CTBP2: variants seen among roughly 807,000 people sequenced by gnomAD.
The protein encoded by CTBP2 is C-terminal binding protein 2.
In CTBP2, 30 loss-of-function variants were observed where a neutral mutation model predicts 80.3. The observed-to-expected ratio is 0.37, with a 90% confidence interval of 0.28 to 0.51. The LOEUF is 0.51. CTBP2 is among the 20% of genes least tolerant of loss of function. The probability of loss-of-function intolerance (pLI) is 0.93; values close to 1 mark genes in which losing one functional copy is unlikely to be tolerated. For missense variants in CTBP2, 1,212 were observed against 1,375.3 expected (o/e 0.88, Z 1.88); for synonymous variants, 594 against 587.4 (o/e 1.01, Z -0.16).
At chr10:125,131,994 CTCAGTCTTAGG>C (rs1856265195) in intron 1 of CTBP2, among the ~76,000 whole-genome samples, 1 of 152,200 alleles carries the variant, frequency 6.6e-6, no homozygotes, top group Non-Finnish European at 1.5e-5. Flanking sequence ...CACCTTCTGT[CTCAGTCTTAGG>C]TCAGGCTTAT....
intron 1 of CTBP2, among the ~76,000 whole-genome samples, chr10:125,007,539 G>A (rs191512701): frequency 1.1e-4 from 16 of 152,360 alleles, no homozygotes; most frequent in Non-Finnish European, 1.8e-4. Flanking sequence ...AGGGAGGATG[G>A]CGGAAGGATC....
chr10:125,118,698 AC>A (rs1853773892), intron 1 of CTBP2, among the ~76,000 whole-genome samples: 1 of 109,512 alleles, frequency 9.1e-6, no homozygotes, highest in East Asian at 3.2e-4. Context: ...CTTGAAAGAG[AC>A]CAGTGCAGTG....
chr10:125,003,927 C>A (rs1954893057), intron 1 of CTBP2, among the ~76,000 whole-genome samples: 1 of 152,230 alleles, frequency 6.6e-6, no homozygotes, highest in Admixed American at 6.5e-5. Context: ...GCGGCCTGGG[C>A]AGGCTCCTCC....
At chr10:125,144,086 T>C (rs1254093918) in intron 1 of CTBP2, among the ~76,000 whole-genome samples, 3 of 152,212 alleles carry the variant, frequency 2.0e-5, no homozygotes, top group African/African-American at 2.4e-5. Flanking sequence ...ACAAACCTCA[T>C]ATCAAGGGGC....
At chr10:125,076,822 A>G (rs1305355153) in intron 2 of CTBP2, among the ~76,000 whole-genome samples, 3 of 152,036 alleles carry the variant, frequency 2.0e-5, no homozygotes, top group South Asian at 2.1e-4. Flanking sequence ...GTATTTCCCT[A>G]TTTCATCCCT....
chr10:125,064,291 C>T (rs946551369), intron 2 of CTBP2, among the ~76,000 whole-genome samples: 14 of 152,160 alleles, frequency 9.2e-5, no homozygotes, highest in Admixed American at 1.3e-4. Flanking sequence ...ATGGATTGAT[C>T]TTTTTCTAAT....
At chr10:125,003,810 C>T (rs1328639361) in intron 1 of CTBP2, among the ~76,000 whole-genome samples, 1 of 152,120 alleles carries the variant, frequency 6.6e-6, no homozygotes, top group Non-Finnish European at 1.5e-5. Context: ...GTCCCTGCAC[C>T]GCGTGCCTCC....
At chr10:125,061,669 T>G (rs892259607) in intron 2 of CTBP2, among the ~76,000 whole-genome samples, 3 of 152,136 alleles carry the variant, frequency 2.0e-5, no homozygotes, top group African/African-American at 4.8e-5. Context: ...AACTGAGAGC[T>G]GGTACCACAG....
At chr10:125,157,670 A>T (rs1475439890) in intron 1 of CTBP2, among the ~76,000 whole-genome samples, 4 of 152,170 alleles carry the variant, frequency 2.6e-5, no homozygotes, top group African/African-American at 9.7e-5. Context: ...CCCAACATCA[A>T]CACTTACACT....
At chr10:125,045,693 G>A (rs548421750) in intron 2 of CTBP2, among the ~76,000 whole-genome samples, 28 of 152,250 alleles carry the variant, frequency 1.8e-4, no homozygotes, top group South Asian at 8.3e-4. Flanking sequence ...GTTTCACCAC[G>A]TTGGCCAGGC....
intron 2 of CTBP2, among the ~76,000 whole-genome samples, chr10:125,084,590 T>G (rs758349234): frequency 3.9e-5 from 6 of 152,044 alleles, no homozygotes; most frequent in Non-Finnish European, 5.9e-5. Flanking sequence ...TCACACCACC[T>G]CAGTCTCAGG....
rs1952093909 is a variant in CTBP2 at position 124,987,793 on chromosome 10, A to AGAGCTCAGAGG, written c.*1714_*1724dup. ...TTAATTGGGAAGGGAAGTATAAGGA[A>AGAGCTCAGAGG]GAGCTCAGAGGGAGTTTCATACCTG... On this transcript the variant is annotated 3_prime_UTR_variant, in exon 9 of 9. Coordinates refer to ENST00000309035, the MANE Select transcript of CTBP2 (RefSeq NM_022802.3). 1 of 152,206 alleles carries AGAGCTCAGAGG rather than the reference A, an allele frequency of 6.6e-6. No homozygotes were observed. Among genetic ancestry groups the AGAGCTCAGAGG allele is most frequent in the Non-Finnish European group, 1.5e-5 (1 of 68,018 alleles). The allele number at this position is 152,206 out of a possible 1,614,324, so 9.4% of individuals were successfully genotyped here. A position where few individuals can be genotyped will look rare whatever the true frequency, so the allele number is the denominator to read the frequency against.
At chr10:125,064,726 G>A (rs1053301341) in intron 2 of CTBP2, among the ~76,000 whole-genome samples, 1 of 152,200 alleles carries the variant, frequency 6.6e-6, no homozygotes, top group Admixed American at 6.5e-5. Flanking sequence ...ACCCATTCCC[G>A]CCACGCCAGT....
At chr10:125,121,800 C>G (rs374882928) in intron 1 of CTBP2, among the ~76,000 whole-genome samples, 57 of 152,342 alleles carry the variant, frequency 3.7e-4, no homozygotes, top group African/African-American at 1.3e-3. Context: ...TGCGCCACAC[C>G]ACGCTGTCAC....
intron 2 of CTBP2, among the ~76,000 whole-genome samples, chr10:125,072,456 A>T (rs1845627878): frequency 6.6e-6 from 1 of 151,966 alleles, no homozygotes; most frequent in South Asian, 2.1e-4. Context: ...CTCTACTAAA[A>T]ACAAAAACAA....
intron 2 of CTBP2, among the ~76,000 whole-genome samples, chr10:125,096,083 GTTA>G (rs1682531426): frequency 6.6e-6 from 1 of 152,152 alleles, no homozygotes; most frequent in Non-Finnish European, 1.5e-5. Flanking sequence ...TACTTAGGGG[GTTA>G]TTCTTTTGTC....
chr10:125,108,432 G>C (rs1152693), intron 2 of CTBP2, among the ~76,000 whole-genome samples: 45,447 of 152,068 alleles, frequency 0.3, 8,011 homozygotes, highest in African/African-American at 0.48. Context: ...TCCTTCTTCT[G>C]TGCCCACATT....
At chr10:125,097,133 A>C (rs972576747) in intron 2 of CTBP2, among the ~76,000 whole-genome samples, 6 of 152,214 alleles carry the variant, frequency 3.9e-5, no homozygotes, top group Non-Finnish European at 5.9e-5. Context: ...CTGAAAATTT[A>C]ATGAGATAGT....
rs572371853 is a variant in CTBP2 at position 125,067,324 on chromosome 10, A to T, written c.-101-28169T>A. Among the ~76,000 whole-genome samples, 18 of 152,340 alleles carry T rather than the reference A, an allele frequency of 1.2e-4. No individual in the cohort carries two copies. The South Asian group carries it at 3.1e-3, about 26-fold the overall frequency. On this transcript the variant is annotated intron_variant, in intron 2 of 10. Coordinates refer to the CTBP2 transcript ENST00000337195. ...GAGAAAGACAGTGACATACAAGGTG[A>T]AAAACTGGACAGGATTCTGGGATGG...
Sources: allele counts gnomAD v4.1 joint callset (sites outside exome capture counted in the v4.1 genomes callset), GRCh38; gene constraint gnomAD v4.1.1; transcripts MANE v1.5; gene names NCBI Gene and HGNC (gene_info 2026-07-23, HGNC 2026-07-21).